Variants in STX8 observed in about 807,000 individuals in gnomAD.
The protein encoded by STX8 is syntaxin-8.
A neutral mutation model predicts 37.5 loss-of-function variants in STX8; 23 were observed. The observed-to-expected ratio is 0.61, with a 90% CI of 0.44 to 0.87. STX8 has a LOEUF of 0.87. Among genes scored for constraint, STX8 ranks in the 40% least tolerant of loss-of-function variants. The pLI is 0.00. For missense variants in STX8, 313 were observed against 284.7 expected, an observed-to-expected ratio of 1.10 and a Z score of -0.71; for synonymous variants, 115 against 99.1, an observed-to-expected ratio of 1.16 and a Z score of -0.95.
chr17:9,453,570 G>A (rs111941672), intron 6 of STX8, among the ~76,000 whole-genome samples: 4,576 of 142,158 alleles, frequency 0.032, 238 homozygotes, highest in African/African-American at 0.11. Flanking sequence ...TCGGCTCACT[G>A]CAACCTCTGC....
chr17:9,269,804 C>T (rs1025446045), intron 7 of STX8, among the ~76,000 whole-genome samples: 1 of 152,314 alleles, frequency 6.6e-6, no homozygotes, highest in East Asian at 1.9e-4. Context: ...TGGCAGGGAT[C>T]GTTCACACTG....
chr17:9,562,210 T>A (rs1395051187), intron 2 of STX8, among the ~76,000 whole-genome samples: 1 of 151,550 alleles, frequency 6.6e-6, no homozygotes, highest in Non-Finnish European at 1.5e-5. Flanking sequence ...GAGATCATCC[T>A]GGCTAATACG....
At chr17:9,355,303 C>T (rs1910838601) in intron 7 of STX8, among the ~76,000 whole-genome samples, 1 of 149,230 alleles carries the variant, frequency 6.7e-6, no homozygotes, top group Non-Finnish European at 1.5e-5. Context: ...TTGATATCTT[C>T]CTGTGTCTTT....
chr17:9,317,059 T>C (rs1478202212), intron 7 of STX8, among the ~76,000 whole-genome samples: 1 of 152,000 alleles, frequency 6.6e-6, no homozygotes, highest in African/African-American at 2.4e-5. Flanking sequence ...TATATTTGTG[T>C]AGATGAAAGG....
rs150396473 is a variant in STX8, at chr17:9,536,368, C to A, written c.323+8804G>T. Among the ~76,000 whole-genome samples, 1,261 of 152,284 alleles carry A rather than the reference C, an allele frequency of 8.3e-3. 15 individuals carry two copies. The highest frequency in any genetic ancestry group is 0.014 in the Middle Eastern group (4 of 294). On this transcript the variant is annotated intron_variant, in intron 4 of 7. Transcript: ENST00000306357. ...ACTACCCGAAGCCCTGACGGCATCA[C>A]TGGGCTGTCAATCAACCCTCTCACT...
intron 7 of STX8, among the ~76,000 whole-genome samples, chr17:9,374,108 G>A (rs1229993067): frequency 1.8e-4 from 26 of 146,870 alleles, no homozygotes; most frequent in South Asian, 2.1e-4. Context: ...TTTTGATGGA[G>A]TCTCACTGTG....
chr17:9,489,556 C>T (rs368279112), intron 6 of STX8, among the ~76,000 whole-genome samples: 3 of 152,160 alleles, frequency 2.0e-5, no homozygotes, highest in Non-Finnish European at 2.9e-5. Context: ...CTTACCTGCA[C>T]GTATATCACA....
intron 6 of STX8, among the ~76,000 whole-genome samples, chr17:9,453,225 G>GT (rs1905096237): frequency 6.6e-6 from 1 of 152,134 alleles, no homozygotes; most frequent in Non-Finnish European, 1.5e-5. Flanking sequence ...GGTTCATAGG[G>GT]TAGGTTCATC....
chr17:9,559,093 C>T (rs936995170), intron 2 of STX8, among the ~76,000 whole-genome samples: 24 of 151,906 alleles, frequency 1.6e-4, no homozygotes, highest in Middle Eastern at 3.2e-3. Flanking sequence ...AACATTGAAA[C>T]CATGAAAGCA....
chr17:9,301,474 T>C (rs571074068), intron 7 of STX8, among the ~76,000 whole-genome samples: 121 of 151,290 alleles, frequency 8.0e-4, no homozygotes, highest in Middle Eastern at 3.4e-3. Flanking sequence ...TTTTATTTTA[T>C]TTATTTATTT....
intron 7 of STX8, among the ~76,000 whole-genome samples, chr17:9,270,284 G>A (rs1236459779): frequency 6.6e-6 from 1 of 152,044 alleles, no homozygotes; most frequent in Non-Finnish European, 1.5e-5. Context: ...TCGCTCTGTC[G>A]CCAAGGCTGG....
chr17:9,335,488 A>G (rs1251165083), intron 7 of STX8, among the ~76,000 whole-genome samples: 1 of 152,172 alleles, frequency 6.6e-6, no homozygotes, highest in Non-Finnish European at 1.5e-5. Context: ...AATGGCAATC[A>G]AATGTCAATG....
chr17:9,285,617 G>T (rs1908046192), intron 7 of STX8, among the ~76,000 whole-genome samples: 1 of 152,116 alleles, frequency 6.6e-6, no homozygotes, highest in Non-Finnish European at 1.5e-5. Flanking sequence ...CAGATCGAGG[G>T]TGCCTATTTA....
chr17:9,341,251 GGT>G (rs984070896), intron 7 of STX8, among the ~76,000 whole-genome samples: 12 of 151,958 alleles, frequency 7.9e-5, no homozygotes, highest in Non-Finnish European at 1.3e-4. Context: ...GATGCTCTCT[GGT>G]TTTGCTTCTC....
chr17:9,312,758 A>T (rs1019477326), intron 7 of STX8, among the ~76,000 whole-genome samples: 2 of 152,134 alleles, frequency 1.3e-5, no homozygotes, highest in African/African-American at 2.4e-5. Flanking sequence ...GAATTTTTAG[A>T]GTTAGAGGTA....
intron 7 of STX8, among the ~76,000 whole-genome samples, chr17:9,286,738 C>T (rs946018432): frequency 4.0e-5 from 6 of 148,824 alleles, no homozygotes; most frequent in Admixed American, 2.0e-4. Context: ...CCCCTTGGGA[C>T]GGTGTGTGGT....
chr17:9,479,408 C>T (rs918917650), intron 6 of STX8, among the ~76,000 whole-genome samples: 8 of 151,816 alleles, frequency 5.3e-5, no homozygotes, highest in African/African-American at 1.9e-4. Context: ...GTGGCACATG[C>T]CTGTGATCCC....
intron 7 of STX8, among the ~76,000 whole-genome samples, chr17:9,342,288 C>A (rs1001535426): frequency 4.6e-5 from 7 of 152,228 alleles, no homozygotes; most frequent in Middle Eastern, 3.4e-3. Flanking sequence ...GGCCACAGAC[C>A]GGTACCAGTC....
At chr17:9,521,108 T>G (rs1905323082) in intron 4 of STX8, among the ~76,000 whole-genome samples, 1 of 152,220 alleles carries the variant, frequency 6.6e-6, no homozygotes. Flanking sequence ...AGGCTCAAAT[T>G]TCAATTAGAA....
Sources: gnomAD v4.1 joint callset for allele counts (sites outside exome capture counted in the v4.1 genomes callset) on GRCh38, gnomAD v4.1.1 for gene constraint, MANE v1.5 for transcripts, NCBI Gene and HGNC (gene_info 2026-07-23, HGNC 2026-07-21) for gene names.